UNC5D: variants seen among roughly 807,000 people sequenced by gnomAD.
UNC5D encodes netrin receptor UNC5D.
Under a neutral mutation model 105.4 loss-of-function variants are expected in UNC5D, and 39 were observed. The ratio of observed to expected loss-of-function variants is 0.37; its 90% confidence interval spans 0.29 to 0.48. The LOEUF is 0.48. UNC5D is among the 20% of genes least tolerant of loss of function. The pLI is 0.98. For synonymous variants in UNC5D, 452 were observed against 450.4 expected (o/e 1.00, Z -0.04); for missense variants, 991 against 1,202.4 (o/e 0.82, Z 2.60).
intron 1 of UNC5D, among the ~76,000 whole-genome samples, chr8:35,432,208 A>G (rs1177327626): frequency 6.6e-6 from 1 of 152,178 alleles, no homozygotes; most frequent in Non-Finnish European, 1.5e-5. Context: ...TATCGTGAGG[A>G]TCAAACAACT....
chr8:35,527,340 C>G (rs1219722872), intron 1 of UNC5D, among the ~76,000 whole-genome samples: 1 of 152,094 alleles, frequency 6.6e-6, no homozygotes, highest in Non-Finnish European at 1.5e-5. Flanking sequence ...CAGTTCAGAC[C>G]ACTATAACAA....
chr8:35,772,938 A>AC (rs1308278045), intron 15 of UNC5D, among the ~76,000 whole-genome samples: 6 of 151,370 alleles, frequency 4.0e-5, no homozygotes, highest in Non-Finnish European at 8.8e-5. Flanking sequence ...CAGATACATG[A>AC]CCCCCTCTAT....
chr8:35,790,747 G>A lies in UNC5D; in HGVS notation c.*184G>A. 1 of 641,932 alleles carries A rather than the reference G, an allele frequency of 1.6e-6. No homozygotes were observed. The highest frequency in any genetic ancestry group is 2.8e-5 in the East Asian group (1 of 36,342). The allele number at this position is 641,932 out of a possible 1,614,324, so 39.8% of individuals were successfully genotyped here. A position where few individuals can be genotyped will look rare whatever the true frequency, so the allele number is the denominator to read the frequency against. On this transcript the variant is annotated 3_prime_UTR_variant, in exon 17 of 17. Coordinates refer to ENST00000404895, the MANE Select transcript of UNC5D (RefSeq NM_080872.4). ...AACATGTTAATAGGGAAGAGTACAA[G>A]CTCTCTTACATATAAGAGGGCTCTA...
At chr8:35,297,997 A>G (rs1379830258) in intron 1 of UNC5D, among the ~76,000 whole-genome samples, 3 of 152,100 alleles carry the variant, frequency 2.0e-5, no homozygotes, top group Non-Finnish European at 4.4e-5. Flanking sequence ...AGTACTGGTG[A>G]TCTTTCTGGT....
intron 1 of UNC5D, among the ~76,000 whole-genome samples, chr8:35,532,376 C>G (rs1814454658): frequency 7.0e-6 from 1 of 142,488 alleles, no homozygotes; most frequent in East Asian, 2.0e-4. Flanking sequence ...ATATTGGCCC[C>G]CACTCTCTTC....
At chr8:35,580,009 T>C (rs1280008590) in intron 3 of UNC5D, among the ~76,000 whole-genome samples, 1 of 152,106 alleles carries the variant, frequency 6.6e-6, no homozygotes, top group African/African-American at 2.4e-5. Flanking sequence ...TAAAATTAGC[T>C]AGAGTTTATG....
chr8:35,639,115 G>C (rs1485192786), intron 4 of UNC5D, among the ~76,000 whole-genome samples: 3 of 152,178 alleles, frequency 2.0e-5, no homozygotes, highest in Non-Finnish European at 2.9e-5. Flanking sequence ...GATATGATTG[G>C]ATTCTGTGTA....
chr8:35,686,103 A>G lies in UNC5D; in HGVS notation c.920-442A>G, dbSNP rs547112857. On this transcript the variant is annotated intron_variant, in intron 6 of 16. Coordinates refer to ENST00000404895, the MANE Select transcript of UNC5D (RefSeq NM_080872.4). ...TCAATATATTTGGGTTTAACTTTAT[A>G]TTGTTTAGGGGCTTCTAGGGCTTAA... 1.3e-3 allele frequency among the ~76,000 whole-genome samples: 203 copies of G among 152,188 alleles called. 2 individuals carry two copies. The highest frequency in any genetic ancestry group is 0.01 in the Middle Eastern group (3 of 294).
At chr8:35,615,235 A>G (rs998427635) in intron 4 of UNC5D, among the ~76,000 whole-genome samples, 1 of 151,992 alleles carries the variant, frequency 6.6e-6, no homozygotes, top group African/African-American at 2.4e-5. Flanking sequence ...TAACATTACA[A>G]AGCTTTCCTA....
intron 1 of UNC5D, among the ~76,000 whole-genome samples, chr8:35,276,181 ATT>A (rs1805766398): frequency 1.3e-5 from 2 of 152,184 alleles, no homozygotes; most frequent in Non-Finnish European, 2.9e-5. Context: ...GTTTACACTG[ATT>A]TGTCCCATAA....
In UNC5D at chr8:35,684,648, A is replaced by G; in HGVS notation, c.818A>G (p.Gln273Arg). The G allele has an allele frequency of 6.2e-7, 1 of 1,613,946 alleles. No homozygotes were observed. The highest frequency in any genetic ancestry group is 8.5e-7 in the Non-Finnish European group (1 of 1,179,994). ...ACNVRCGRGWQKRSRTCTNPA... is the reference protein window; with the variant it reads ...ACNVRCGRGWRKRSRTCTNPA... Reference sequence around the variant, plus strand: ...AATGTTCGCTGTGGTAGAGGATGGCAGAAACGTTCCCGGACCTGCACCAAC... The same window carrying G: ...AATGTTCGCTGTGGTAGAGGATGGCGGAAACGTTCCCGGACCTGCACCAAC... Residue 273 changes from glutamine (Q) to arginine (R), a missense_variant, in exon 6 of 17, where the codon CAG becomes CGG. Gln to Arg is a conservative substitution (Grantham distance 43, BLOSUM62 1). Coordinates refer to ENST00000404895, the MANE Select transcript of UNC5D (RefSeq NM_080872.4).
chr8:35,549,042 T>G (rs1481969078), intron 1 of UNC5D, among the ~76,000 whole-genome samples: 1 of 152,242 alleles, frequency 6.6e-6, no homozygotes, highest in East Asian at 1.9e-4. Flanking sequence ...AACAGAAATT[T>G]GAGGCGTGTC....
intron 4 of UNC5D, among the ~76,000 whole-genome samples, chr8:35,634,958 A>T (rs1241878988): frequency 6.6e-6 from 1 of 151,592 alleles, no homozygotes; most frequent in African/African-American, 2.4e-5. Flanking sequence ...CAGAGACGGG[A>T]TTTCTCCACG....
chr8:35,256,986 T>C (rs1804126557), intron 1 of UNC5D, among the ~76,000 whole-genome samples: 1 of 151,654 alleles, frequency 6.6e-6, no homozygotes, highest in Non-Finnish European at 1.5e-5. Context: ...GTTTTTTGTT[T>C]TTTTTTGACT....
At chr8:35,746,839 G>A (rs561939781) in intron 11 of UNC5D, among the ~76,000 whole-genome samples, 8 of 152,238 alleles carry the variant, frequency 5.3e-5, no homozygotes, top group Middle Eastern at 3.4e-3. Flanking sequence ...GAATGCAGGC[G>A]GTAATTACAT....
chr8:35,744,603 A>G (rs1248622628), intron 11 of UNC5D, among the ~76,000 whole-genome samples: 2 of 152,172 alleles, frequency 1.3e-5, no homozygotes, highest in Non-Finnish European at 2.9e-5. Flanking sequence ...CTTTACTGCC[A>G]TGATTTACTC....
At chr8:35,292,735 G>C (rs113694602) in intron 1 of UNC5D, among the ~76,000 whole-genome samples, 43 of 23,994 alleles carry the variant, frequency 1.8e-3, no homozygotes, top group African/African-American at 6.3e-3. Flanking sequence ...TTTTTTTTTT[G>C]AGACAGAGTC....
At chr8:35,709,632 G>A (rs761941806) in intron 8 of UNC5D, among the ~76,000 whole-genome samples, 3 of 152,208 alleles carry the variant, frequency 2.0e-5, no homozygotes, top group Non-Finnish European at 4.4e-5. Flanking sequence ...GGAGGTTGCA[G>A]TGAGCCGAGA....
In UNC5D at chr8:35,793,809, T is replaced by G. The variant is rs1803148569; in HGVS notation, c.*3246T>G. On this transcript the variant is annotated 3_prime_UTR_variant, in exon 17 of 17. Transcript: ENST00000404895. ...TACTCCCACAAAAATTTTATTGGCC[T>G]TTTTGTAAGAGATGAAAAAGAATTG... The G allele has an allele frequency of 6.6e-6, 1 of 152,600 alleles. No individual in the cohort carries two copies. Among genetic ancestry groups the G allele is most frequent in the South Asian group, 2.1e-4 (1 of 4,832 alleles). The allele number at this position is 152,600 out of a possible 1,614,324, so 9.5% of individuals were successfully genotyped here. A position where few individuals can be genotyped will look rare whatever the true frequency, so the allele number is the denominator to read the frequency against.
Sources: gnomAD v4.1 joint callset for allele counts (sites outside exome capture counted in the v4.1 genomes callset) on GRCh38, gnomAD v4.1.1 for gene constraint, MANE v1.5 for transcripts, NCBI Gene and HGNC (gene_info 2026-07-23, HGNC 2026-07-21) for gene names.